The following CDH13 variants were observed in gnomAD, a reference collection of about 807,000 sequenced individuals.
CDH13 encodes the protein cadherin 13.
In CDH13, 24 loss-of-function variants were observed where a neutral mutation model predicts 63.8. That is an observed-to-expected ratio of 0.38 (90% confidence interval 0.27 to 0.53). CDH13 has a LOEUF of 0.53. Among genes scored for constraint, CDH13 ranks in the 20% least tolerant of loss-of-function variants. CDH13 has a pLI of 0.85. For missense variants in CDH13, 1,049 were observed against 903.1 expected, an observed-to-expected ratio of 1.16 and a Z score of -2.07; for synonymous variants, 503 against 355.3, an observed-to-expected ratio of 1.42 and a Z score of -4.67.
At chr16:82,990,800 C>A (rs1911569136) in intron 2 of CDH13, among the ~76,000 whole-genome samples, 1 of 152,106 alleles carries the variant, frequency 6.6e-6, no homozygotes, top group Non-Finnish European at 1.5e-5. Context: ...TCTTGGCCTC[C>A]AAAGTACTGG....
In CDH13 at chr16:82,906,549, C is replaced by T. The variant is rs78612879; in HGVS notation, c.157+48076C>T. On this transcript the variant is annotated intron_variant, in intron 2 of 13. Coordinates refer to ENST00000567109, the MANE Select transcript of CDH13 (RefSeq NM_001257.5). ...TGTGACAAAGGCTGGTTTCTCATTG[C>T]CAGGATTTTAATGAGGGGACTCACC... Among the ~76,000 whole-genome samples, 115 of 152,214 alleles carry T rather than the reference C, an allele frequency of 7.6e-4. 2 individuals are homozygous for T. In the East Asian group the frequency reaches 0.02, roughly 26 times the overall value.
intron 6 of CDH13, among the ~76,000 whole-genome samples, chr16:83,420,150 T>C (rs2071674159): frequency 1.3e-5 from 2 of 152,176 alleles, no homozygotes; most frequent in Admixed American, 6.5e-5. Flanking sequence ...CTAGGTTCCA[T>C]AGATGCTACA....
At chr16:83,220,787 C>T (rs1469138934) in intron 5 of CDH13, among the ~76,000 whole-genome samples, 1 of 151,780 alleles carries the variant, frequency 6.6e-6, no homozygotes, top group Non-Finnish European at 1.5e-5. Flanking sequence ...GATGTATTAA[C>T]GTTTTCCAAA....
chr16:82,793,505 C>G (rs903556420), intron 1 of CDH13, among the ~76,000 whole-genome samples: 8 of 152,110 alleles, frequency 5.3e-5, no homozygotes, highest in Admixed American at 5.2e-4. Flanking sequence ...AGTTCGGTAC[C>G]TCAAGTTTCA....
At chr16:83,758,905 G>A (rs1913729069) in intron 11 of CDH13, among the ~76,000 whole-genome samples, 2 of 152,190 alleles carry the variant, frequency 1.3e-5, no homozygotes, top group East Asian at 1.9e-4. Flanking sequence ...CATTAACGGA[G>A]AGATATACCA....
chr16:82,786,598 T>C (rs1434262938), intron 1 of CDH13, among the ~76,000 whole-genome samples: 2 of 151,924 alleles, frequency 1.3e-5, no homozygotes, highest in Non-Finnish European at 2.9e-5. Context: ...GTTGGTGTGC[T>C]GCACCCGTTA....
rs369347941 is a variant in CDH13 at position 83,422,132 on chromosome 16, T to C, written c.782-64345T>C. The stretch of plus-strand genomic sequence containing the variant: ...TAGTAGAACTACTTAGCTAAAAATT[T>C]GTTTATCATTTGAAGGCCATGTTCC... On this transcript the variant is annotated intron_variant, in intron 6 of 13. Coordinates refer to ENST00000567109, the MANE Select transcript of CDH13 (RefSeq NM_001257.5). Among the ~76,000 whole-genome samples, 5 of 152,356 alleles carry C rather than the reference T, an allele frequency of 3.3e-5. No homozygotes were observed. The South Asian group carries it at 1.0e-3, about 32-fold the overall frequency.
At chr16:83,430,723 AC>A (rs1352069270) in intron 6 of CDH13, among the ~76,000 whole-genome samples, 1 of 152,202 alleles carries the variant, frequency 6.6e-6, no homozygotes, top group Middle Eastern at 3.2e-3. Flanking sequence ...CTATAGTTTC[AC>A]CCAGTAGTCC....
At chr16:83,326,317 C>A (rs1307751381) in intron 5 of CDH13, among the ~76,000 whole-genome samples, 1 of 152,140 alleles carries the variant, frequency 6.6e-6, no homozygotes, top group Non-Finnish European at 1.5e-5. Context: ...TATCTTCTCT[C>A]TTACCTGGGG....
chr16:83,122,958 T>A (rs1290727318), intron 3 of CDH13, among the ~76,000 whole-genome samples: 1 of 152,108 alleles, frequency 6.6e-6, no homozygotes, highest in African/African-American at 2.4e-5. Context: ...GTCCCCACTG[T>A]CTCTTATTCC....
At chr16:83,600,535 T>A (rs958468134) in intron 7 of CDH13, among the ~76,000 whole-genome samples, 3 of 152,236 alleles carry the variant, frequency 2.0e-5, no homozygotes, top group Non-Finnish European at 4.4e-5. Flanking sequence ...AAATTTACCA[T>A]GTAAACTTAG....
chr16:83,331,845 A>G (rs2090486536), intron 5 of CDH13, among the ~76,000 whole-genome samples: 1 of 152,094 alleles, frequency 6.6e-6, no homozygotes, highest in Non-Finnish European at 1.5e-5. Context: ...AGTTTCTTTC[A>G]TCAATCTTTT....
intron 3 of CDH13, among the ~76,000 whole-genome samples, chr16:83,120,741 A>G (rs150751170): frequency 1.8e-3 from 270 of 148,906 alleles, no homozygotes; most frequent in South Asian, 6.4e-3. Context: ...TTGTGTAAAT[A>G]CAACGCGCTC....
intron 3 of CDH13, among the ~76,000 whole-genome samples, chr16:83,036,699 C>G (rs1916891460): frequency 6.6e-6 from 1 of 152,150 alleles, no homozygotes; most frequent in Admixed American, 6.6e-5. Flanking sequence ...CTCTGCATCC[C>G]TCTCCCTTGC....
chr16:83,303,571 G>A lies in CDH13; in HGVS notation c.637-41291G>A, dbSNP rs74433032. Among the ~76,000 whole-genome samples the A allele has an allele frequency of 7.9e-4, 121 of 152,210 alleles. 4 individuals are homozygous for A. In the East Asian group the frequency reaches 0.021, roughly 27 times the overall value. On this transcript the variant is annotated intron_variant, in intron 5 of 13. Coordinates refer to ENST00000567109, the MANE Select transcript of CDH13 (RefSeq NM_001257.5). ...GTCATAATAGGAGTTTTAATCTTCT[G>A]GTTAATGAAGTTACAGGGAGGGGGT... is the stretch of plus-strand genomic sequence containing the variant.
intron 4 of CDH13, among the ~76,000 whole-genome samples, chr16:83,214,997 G>A (rs2039453746): frequency 6.7e-6 from 1 of 149,398 alleles, no homozygotes; most frequent in Non-Finnish European, 1.5e-5. Flanking sequence ...AGAGGGGTCA[G>A]TGGAAAAGTA....
intron 2 of CDH13, among the ~76,000 whole-genome samples, chr16:82,865,511 A>G (rs1430010659): frequency 6.6e-6 from 1 of 152,216 alleles, no homozygotes; most frequent in African/African-American, 2.4e-5. Flanking sequence ...GCACCCTCTG[A>G]AACAATAGCC....
intron 7 of CDH13, among the ~76,000 whole-genome samples, chr16:83,571,275 G>C (rs988072988): frequency 4.6e-5 from 7 of 152,004 alleles, no homozygotes; most frequent in Non-Finnish European, 2.9e-5. Flanking sequence ...TCAAAAGATG[G>C]AAAATTGTCA....
chr16:83,095,302 T>C (rs997439363), intron 3 of CDH13, among the ~76,000 whole-genome samples: 31 of 152,212 alleles, frequency 2.0e-4, no homozygotes, highest in Non-Finnish European at 1.0e-4. Context: ...TATATCAACA[T>C]GGTACTGGTG....
Sources: gnomAD v4.1 joint callset for allele counts (sites outside exome capture counted in the v4.1 genomes callset) on GRCh38, gnomAD v4.1.1 for gene constraint, MANE v1.5 for transcripts, NCBI Gene and HGNC (gene_info 2026-07-23, HGNC 2026-07-21) for gene names.